ME3: variants seen among roughly 807,000 people sequenced by gnomAD.
ME3 encodes the protein malic enzyme 3, also known as NADP-dependent malic enzyme, mitochondrial.
Under a neutral mutation model 68.9 loss-of-function variants are expected in ME3, and 48 were observed. That is an observed-to-expected ratio of 0.70 (90% CI 0.55 to 0.89). The LOEUF is 0.89. ME3 is among the 40% of genes least tolerant of loss of function. ME3 has a pLI of 0.00. For missense variants in ME3, 675 were observed against 797.4 expected, an observed-to-expected ratio of 0.85 and a Z score of 1.85; for synonymous variants, 320 against 318.8, an observed-to-expected ratio of 1.00 and a Z score of -0.04.
At chr11:86,591,903 G>A (rs1446371567) in intron 2 of ME3, among the ~76,000 whole-genome samples, 1 of 152,034 alleles carries the variant, frequency 6.6e-6, no homozygotes, top group Non-Finnish European at 1.5e-5. Context: ...ATGAGATTTG[G>A]GTGGGGACAC....
intron 2 of ME3, chr11:86,667,692 A>C (rs1437907521): frequency 6.6e-6 from 1 of 152,194 alleles, no homozygotes; most frequent in Admixed American, 6.5e-5. Flanking sequence ...GATAAGACAA[A>C]TAGGAGGGGA....
chr11:86,661,567 T>C (rs1389942381), intron 2 of ME3, among the ~76,000 whole-genome samples: 4 of 152,238 alleles, frequency 2.6e-5, no homozygotes, highest in Non-Finnish European at 5.9e-5. Flanking sequence ...AATGGATGAC[T>C]ATACTCAGAG....
intron 2 of ME3, among the ~76,000 whole-genome samples, chr11:86,573,994 G>T (rs1957947994): frequency 6.6e-6 from 1 of 152,174 alleles, no homozygotes; most frequent in South Asian, 2.1e-4. Context: ...CTTGATTGTG[G>T]TGGATAAGCT....
intron 7 of ME3, among the ~76,000 whole-genome samples, chr11:86,474,690 A>T (rs1216307206): frequency 6.6e-6 from 1 of 152,134 alleles, no homozygotes; most frequent in East Asian, 1.9e-4. Context: ...GCCCTTTCTG[A>T]GTGTTCTCTT....
intron 4 of ME3, among the ~76,000 whole-genome samples, chr11:86,523,290 G>A (rs146937998): frequency 6.6e-6 from 1 of 152,178 alleles, no homozygotes; most frequent in Non-Finnish European, 1.5e-5. Flanking sequence ...ATATGTTGTT[G>A]TCCTCATTTA....
chr11:86,504,631 TG>T (rs1346286961), intron 5 of ME3, among the ~76,000 whole-genome samples: 4 of 151,958 alleles, frequency 2.6e-5, no homozygotes, highest in African/African-American at 9.7e-5. Context: ...TGACCTCAGG[TG>T]ATCTGCCCAC....
At chr11:86,475,874 T>TATATATATATATAGAGAGAGAGAG in intron 7 of ME3, among the ~76,000 whole-genome samples, 9 of 91,460 alleles carry the variant, frequency 9.8e-5, no homozygotes, top group South Asian at 4.1e-4. Flanking sequence ...TATATATATA[T>TATATATATATATAGAGAGAGAGAG]AGAGAGAGAG....
chr11:86,641,038 G>GGGC, intron 2 of ME3, among the ~76,000 whole-genome samples: 2 of 23,898 alleles, frequency 8.4e-5, no homozygotes, highest in Middle Eastern at 0.059. Context: ...AATTTCACTG[G>GGGC]GGGGGGGGGT....
intron 2 of ME3, among the ~76,000 whole-genome samples, chr11:86,573,748 TATG>T (rs1308595258): frequency 6.6e-6 from 1 of 152,238 alleles, no homozygotes. Context: ...GCCCATTCAG[TATG>T]ATATTGGCTA....
At position 86,526,228 on chromosome 11, in the gene ME3, G is replaced by C. The variant is rs534857760; in HGVS notation, c.468-17361C>G. Among the ~76,000 whole-genome samples the C allele has an allele frequency of 4.3e-4, 65 of 152,338 alleles. 1 individual carries two copies. The South Asian group carries it at 0.012, about 28-fold the overall frequency. On this transcript the variant is annotated intron_variant, in intron 4 of 14. Transcript: ENST00000543262. Reference sequence around the variant, plus strand: ...GGCACACCAGGAGATTATATCCCGTGCATGGCTCGGAGGGTCCTATGCCCA... The same window carrying C: ...GGCACACCAGGAGATTATATCCCGTCCATGGCTCGGAGGGTCCTATGCCCA...
At chr11:86,632,356 G>T (rs1370437111) in intron 2 of ME3, among the ~76,000 whole-genome samples, 1 of 152,138 alleles carries the variant, frequency 6.6e-6, no homozygotes, top group African/African-American at 2.4e-5. Flanking sequence ...ATGGCCAAGG[G>T]GGGTGGGGTA....
chr11:86,561,544 A>G (rs1957234312), intron 2 of ME3, among the ~76,000 whole-genome samples: 1 of 152,198 alleles, frequency 6.6e-6, no homozygotes, highest in Non-Finnish European at 1.5e-5. Context: ...AATGTCTCCA[A>G]TGTGAATTCA....
At chr11:86,544,696 C>T (rs1038420819) in intron 4 of ME3, among the ~76,000 whole-genome samples, 7 of 152,120 alleles carry the variant, frequency 4.6e-5, no homozygotes, top group African/African-American at 1.7e-4. Flanking sequence ...AGCCCAGGAC[C>T]AGACGGATTC....
chr11:86,490,240 C>T (rs1048196643), intron 6 of ME3, among the ~76,000 whole-genome samples: 12 of 152,176 alleles, frequency 7.9e-5, no homozygotes, highest in Non-Finnish European at 1.6e-4. Context: ...GGGTTTAGCA[C>T]TTTGTCAAAG....
intron 4 of ME3, among the ~76,000 whole-genome samples, chr11:86,551,244 A>C (rs565441159): frequency 6.6e-6 from 1 of 152,318 alleles, no homozygotes; most frequent in Non-Finnish European, 1.5e-5. Flanking sequence ...TCTGACCCTC[A>C]TAATGATGCC....
chr11:86,437,958 T>C (rs1337487339), downstream of ME3, among the ~76,000 whole-genome samples: 1 of 152,152 alleles, frequency 6.6e-6, no homozygotes, highest in South Asian at 2.1e-4. Context: ...TTCTTTCCAA[T>C]CTTGACACCT....
At chr11:86,563,414 T>C (rs906112972) in intron 2 of ME3, among the ~76,000 whole-genome samples, 1 of 152,220 alleles carries the variant, frequency 6.6e-6, no homozygotes, top group African/African-American at 2.4e-5. Flanking sequence ...TGCATTTCTC[T>C]GATAATCAGT....
intron 4 of ME3, among the ~76,000 whole-genome samples, chr11:86,523,505 G>A (rs888049994): frequency 6.6e-6 from 1 of 152,016 alleles, no homozygotes; most frequent in African/African-American, 2.4e-5. Context: ...CTAATTGTTT[G>A]TACTCTTTTT....
intron 2 of ME3, 117 bp from the exon 3 acceptor site, chr11:86,559,940 T>G: frequency 9.2e-7 from 1 of 1,084,274 alleles, no homozygotes; most frequent in Non-Finnish European, 1.3e-6. Flanking sequence ...GAAAGGGCCC[T>G]CAACTCAAAT....
Sources: gnomAD v4.1 joint callset for allele counts (sites outside exome capture counted in the v4.1 genomes callset) on GRCh38, gnomAD v4.1.1 for gene constraint, MANE v1.5 for transcripts, NCBI Gene and HGNC (gene_info 2026-07-23, HGNC 2026-07-21) for gene names.